PTPRC: variants seen among roughly 807,000 people sequenced by gnomAD.
PTPRC encodes the protein protein tyrosine phosphatase receptor type C, also known as receptor-type tyrosine-protein phosphatase C.
Under a neutral mutation model 155.9 loss-of-function variants are expected in PTPRC, and 44 were observed. The ratio of observed to expected loss-of-function variants is 0.28; its 90% CI spans 0.22 to 0.36. The LOEUF is 0.36. Among genes scored for constraint, PTPRC ranks in the 10% least tolerant of loss-of-function variants. The pLI is 1.00. For synonymous variants in PTPRC, 525 were observed against 533.1 expected (o/e 0.98, Z 0.21); for missense variants, 1,401 against 1,564.6 (o/e 0.90, Z 1.76).
chr1:198,666,696 TTAACA>T (rs1049626820), intron 2 of PTPRC, among the ~76,000 whole-genome samples: 3 of 152,170 alleles, frequency 2.0e-5, no homozygotes, highest in Non-Finnish European at 2.9e-5. Context: ...CAAAGCAATC[TTAACA>T]TAACACTCCT....
At chr1:198,696,402 A>G (rs543128783) in intron 3 of PTPRC, among the ~76,000 whole-genome samples, 1 of 151,956 alleles carries the variant, frequency 6.6e-6, no homozygotes, top group East Asian at 1.9e-4. Flanking sequence ...AGCTGCTTTC[A>G]ATTTCATTTC....
At chr1:198,747,142 G>A (rs1465577043) in intron 26 of PTPRC, among the ~76,000 whole-genome samples, 1 of 151,576 alleles carries the variant, frequency 6.6e-6, no homozygotes, top group East Asian at 2.0e-4. Flanking sequence ...AAGGACTAGT[G>A]GAAAGACTGT....
At chr1:198,748,407 A>G (rs1272271666) in intron 27 of PTPRC, among the ~76,000 whole-genome samples, 4 of 151,744 alleles carry the variant, frequency 2.6e-5, no homozygotes, top group Admixed American at 6.6e-5. Flanking sequence ...TGGAGGGTAG[A>G]CTGTATTCAG....
At position 198,709,805 on chromosome 1, in the gene PTPRC, T is replaced by A; in HGVS notation, c.1152T>A (p.Ile384=). 1 of 1,612,472 alleles carries A rather than the reference T, an allele frequency of 6.2e-7. No homozygotes were observed. Among genetic ancestry groups the A allele is most frequent in the Non-Finnish European group, 8.5e-7 (1 of 1,179,142 alleles). Residue 384 remains isoleucine, a synonymous_variant, in exon 11 of 33, where the codon ATT becomes ATA. Transcript: ENST00000442510. ...ACAAGTTTACTAACGCAAGTAAAAT[T>A]ATTAAAACAGATTTTGGGAGTGAGT... is the stretch of plus-strand genomic sequence containing the variant. ...NNHKFTNASK[I]IKTDFGSPGE... is the part of the protein sequence containing the mutation.
intron 23 of PTPRC, among the ~76,000 whole-genome samples, chr1:198,735,786 T>C (rs1654608352): frequency 6.6e-6 from 1 of 151,374 alleles, no homozygotes; most frequent in Admixed American, 6.6e-5. Context: ...ATATGAAAAA[T>C]CCACAATAGG....
chr1:198,711,591 A>T (rs1415371228), intron 11 of PTPRC, among the ~76,000 whole-genome samples: 7 of 152,224 alleles, frequency 4.6e-5, no homozygotes, highest in Non-Finnish European at 1.0e-4. Context: ...AGGGCACAAA[A>T]GCAAGAAACA....
At chr1:198,755,871 T>C (rs1655623893) in intron 32 of PTPRC, 35 bp from the exon 33 acceptor site, 1 of 1,570,960 alleles carries the variant, frequency 6.4e-7, no homozygotes, top group Non-Finnish European at 8.8e-7. Context: ...ACATCAACTT[T>C]CTTCATGTAA....
intron 26 of PTPRC, 93 bp downstream of exon 26, chr1:198,744,296 C>A: frequency 7.8e-7 from 1 of 1,286,932 alleles, no homozygotes; most frequent in Admixed American, 2.0e-5. Flanking sequence ...TGACATAGTG[C>A]TTGCATTTAG....
intron 2 of PTPRC, among the ~76,000 whole-genome samples, chr1:198,651,405 A>G (rs1368747041): frequency 1.3e-5 from 2 of 151,590 alleles, no homozygotes; most frequent in Non-Finnish European, 1.5e-5. Flanking sequence ...GTTGTTATCA[A>G]TGTGGCAGAT....
At chr1:198,666,138 T>C (rs1389949486) in intron 2 of PTPRC, among the ~76,000 whole-genome samples, 1 of 147,994 alleles carries the variant, frequency 6.8e-6, no homozygotes, top group South Asian at 2.1e-4. Flanking sequence ...GAGGCTGAGG[T>C]GAAAAGATTG....
chr1:198,692,620 T>C, intron 3 of PTPRC: 1 of 1,004,594 alleles, frequency 1.0e-6, no homozygotes. Flanking sequence ...TTTCCCAAAC[T>C]TGACAGTAAA....
At chr1:198,640,037 T>C (rs1010295772) in intron 2 of PTPRC, among the ~76,000 whole-genome samples, 3 of 152,014 alleles carry the variant, frequency 2.0e-5, no homozygotes, top group Admixed American at 6.6e-5. Flanking sequence ...CTTGATGAGA[T>C]AGAAATATTT....
At chr1:198,717,849 T>C (rs1212867947) in intron 13 of PTPRC, among the ~76,000 whole-genome samples, 1 of 152,118 alleles carries the variant, frequency 6.6e-6, no homozygotes. Context: ...CACAGTCTCC[T>C]TCAGGGATTG....
intron 8 of PTPRC, among the ~76,000 whole-genome samples, chr1:198,706,133 A>C (rs1008709951): frequency 6.6e-6 from 1 of 152,222 alleles, no homozygotes. Context: ...AAATGAATAA[A>C]TTTATATTTG....
chr1:198,736,767 A>G (rs1338176185), intron 23 of PTPRC, among the ~76,000 whole-genome samples: 1 of 151,656 alleles, frequency 6.6e-6, no homozygotes, highest in African/African-American at 2.4e-5. Context: ...ACCTCCAAAC[A>G]GTTCTACATA....
intron 3 of PTPRC, chr1:198,693,319 T>A (rs1169542068): frequency 4.0e-6 from 1 of 252,820 alleles, no homozygotes; most frequent in Non-Finnish European, 6.2e-6. Flanking sequence ...GCGTTTAGCA[T>A]GGCAGTGATG....
At chr1:198,736,649 G>C (rs1654651774) in intron 23 of PTPRC, among the ~76,000 whole-genome samples, 1 of 151,644 alleles carries the variant, frequency 6.6e-6, no homozygotes, top group Non-Finnish European at 1.5e-5. Flanking sequence ...CAATAAACGT[G>C]GGAGTGCAGA....
intron 16 of PTPRC, among the ~76,000 whole-genome samples, chr1:198,728,840 A>C (rs940296373): frequency 5.3e-5 from 8 of 152,154 alleles, no homozygotes; most frequent in African/African-American, 1.9e-4. Flanking sequence ...CAGAAGATTT[A>C]AAATAAAATC....
intron 15 of PTPRC, among the ~76,000 whole-genome samples, chr1:198,726,030 C>T (rs922093163): frequency 6.6e-6 from 1 of 152,170 alleles, no homozygotes; most frequent in Non-Finnish European, 1.5e-5. Flanking sequence ...GCTTAGAATG[C>T]AAGCTTTATC....
Sources: allele counts gnomAD v4.1 joint callset (sites outside exome capture counted in the v4.1 genomes callset), GRCh38; gene constraint gnomAD v4.1.1; transcripts MANE v1.5; gene names NCBI Gene and HGNC (gene_info 2026-07-23, HGNC 2026-07-21).